CWC22: variants seen among roughly 807,000 people sequenced by gnomAD.
The protein encoded by CWC22 is pre-mRNA-splicing factor CWC22 homolog.
A neutral mutation model predicts 117.2 loss-of-function variants in CWC22; 53 were observed. That is an observed-to-expected ratio of 0.45 (90% confidence interval 0.36 to 0.57). The LOEUF is 0.57. CWC22 is among the 20% of genes least tolerant of loss of function. The pLI, the probability that CWC22 is intolerant of heterozygous loss-of-function variation, is 0.00. For synonymous variants in CWC22, 360 were observed against 355.6 expected (o/e 1.01, Z -0.14); for missense variants, 980 against 1,068.8 (o/e 0.92, Z 1.16).
In CWC22 at chr2:179,989,122, A is replaced by T. The variant is rs530624070; in HGVS notation, c.28-478T>A. Among the ~76,000 whole-genome samples, 23 of 152,084 alleles carry T rather than the reference A, an allele frequency of 1.5e-4. No homozygotes were observed. In the South Asian group the frequency reaches 4.4e-3, roughly 29 times the overall value. On this transcript the variant is annotated intron_variant, in intron 2 of 19. Coordinates refer to ENST00000410053, the MANE Select transcript of CWC22 (RefSeq NM_020943.3). ...CTGAGTCCCTAAAACCCATTGTATC[A>T]TTCTTACGGCTTTGCAGAACCAAAT...
intron 1 of CWC22, among the ~76,000 whole-genome samples, chr2:180,000,577 T>C (rs1317000380): frequency 1.3e-5 from 2 of 152,052 alleles, no homozygotes; most frequent in African/African-American, 4.8e-5. Flanking sequence ...AAATAAAGAG[T>C]TGCAGAGCTG....
intron 11 of CWC22, among the ~76,000 whole-genome samples, chr2:179,969,487 C>A (rs1686976481): frequency 6.6e-6 from 1 of 152,170 alleles, no homozygotes. Context: ...CAATGGAATG[C>A]AGACAGAGAC....
intron 19 of CWC22, among the ~76,000 whole-genome samples, chr2:179,947,471 C>A (rs909697889): frequency 6.6e-6 from 1 of 152,186 alleles, no homozygotes; most frequent in Non-Finnish European, 1.5e-5. Flanking sequence ...GCAGTTCATG[C>A]TGCTTTTATG....
intron 8 of CWC22, among the ~76,000 whole-genome samples, chr2:179,971,688 A>G (rs1687038552): frequency 6.6e-6 from 1 of 152,230 alleles, no homozygotes; most frequent in Non-Finnish European, 1.5e-5. Flanking sequence ...ACATTTATAA[A>G]CAATGCCAGG....
Position 180,007,182 on chromosome 2 carries a change from G to A in CWC22, c.-429C>T, listed in dbSNP as rs1393350801. The A allele has an allele frequency of 1.3e-5, 2 of 152,236 alleles. No individual in the cohort carries two copies. The highest frequency in any genetic ancestry group is 4.8e-5 in the African/African-American group (2 of 41,460). The allele number at this position is 152,236 out of a possible 1,614,324, so 9.4% of individuals were successfully genotyped here. A position where few individuals can be genotyped will look rare whatever the true frequency, so the allele number is the denominator to read the frequency against. On this transcript the variant is annotated 5_prime_UTR_variant, in exon 1 of 20. Transcript: ENST00000410053. ...ATATTTAAAAACTTGACGCTCAATTGGCTTGACACGTTATCCCTTTAATTT... is the reference window on the plus strand; with the variant it reads ...ATATTTAAAAACTTGACGCTCAATTAGCTTGACACGTTATCCCTTTAATTT...
At chr2:179,981,332 G>A (rs916420086) in intron 5 of CWC22, among the ~76,000 whole-genome samples, 3 of 152,318 alleles carry the variant, frequency 2.0e-5, no homozygotes, top group Admixed American at 2.0e-4. Context: ...AATATTTACA[G>A]TGTGGGCTTT....
Position 179,950,661 on chromosome 2 carries a change from T to C in CWC22, c.1991A>G (p.Asn664Ser), listed in dbSNP as rs748651874. 2 of 1,613,546 alleles carry C rather than the reference T, an allele frequency of 1.2e-6. No homozygotes were observed. Among genetic ancestry groups the C allele is most frequent in the Non-Finnish European group, 1.7e-6 (2 of 1,179,650 alleles). Residue 664 changes from asparagine to serine, a missense_variant, in exon 19 of 20, where the codon AAT becomes AGT. Physicochemically the swap from Asn to Ser is conservative, Grantham distance 46. Around this residue, in one of 3 missense-constraint regions of CWC22, gnomAD observed 306 missense variants for 296.8 expected, o/e 1.03. Transcript: ENST00000410053. ...AGAGGAAGAGGATGGGGAGGATTTA[T>C]TTTGCTCAACATCTGGTTTCTGCGC... Reference protein sequence around the residue: ...IVAQKPDVEQNKSSPSSSSSA... With the variant: ...IVAQKPDVEQSKSSPSSSSSA...
chr2:179,953,197 A>G (rs1686497966), intron 16 of CWC22, among the ~76,000 whole-genome samples: 1 of 152,086 alleles, frequency 6.6e-6, no homozygotes, highest in African/African-American at 2.4e-5. Flanking sequence ...AGGGGAAAAA[A>G]GAAGTCAAAA....
In CWC22 at chr2:179,945,055, A is replaced by G; in HGVS notation, c.*74T>C. Reference sequence around the variant, plus strand: ...AATACTTTATACAAGAATTCTCTATAAAGTTCGTCAAAGTAAAAAATAATT... The same window carrying G: ...AATACTTTATACAAGAATTCTCTATGAAGTTCGTCAAAGTAAAAAATAATT... On this transcript the variant is annotated 3_prime_UTR_variant, in exon 20 of 20. Transcript: ENST00000410053. 1 of 977,670 alleles carries G rather than the reference A, an allele frequency of 1.0e-6. No individual in the cohort carries two copies. Among genetic ancestry groups the G allele is most frequent in the Non-Finnish European group, 1.5e-6 (1 of 674,308 alleles). The allele number at this position is 977,670 out of a possible 1,614,324, so 60.6% of individuals were successfully genotyped here.
At chr2:179,968,750 T>TA (rs1439651558) in intron 11 of CWC22, among the ~76,000 whole-genome samples, 2 of 151,880 alleles carry the variant, frequency 1.3e-5, no homozygotes, top group Non-Finnish European at 2.9e-5. Context: ...ATATTTTTAG[T>TA]AGAGACAGGA....
chr2:179,964,571 G>C lies in CWC22; in HGVS notation c.1373C>G (p.Thr458Arg). The C allele has an allele frequency of 6.4e-7, 1 of 1,568,812 alleles. No homozygotes were observed. Among genetic ancestry groups the C allele is most frequent in the South Asian group, 1.2e-5 (1 of 85,166 alleles). Residue 458 changes from threonine (T) to arginine (R), a missense_variant, in exon 13 of 20, where the codon ACA (threonine) becomes AGA (arginine). Physicochemically the swap from Thr to Arg is moderately conservative, Grantham distance 71 (BLOSUM62 -1). Around this residue, in one of 3 missense-constraint regions of CWC22, gnomAD observed 559 missense variants for 602.3 expected, o/e 0.93. Coordinates refer to ENST00000410053, the MANE Select transcript of CWC22 (RefSeq NM_020943.3). The stretch of plus-strand genomic sequence containing the variant: ...CCTTGACTGAATAGCAAGATAAATT[G>C]TACGACGAAATGAGACCAGGTTAAT... ...TEINLVSFRR[T>R]IYLAIQSSLD...
intron 19 of CWC22, among the ~76,000 whole-genome samples, chr2:179,949,516 C>T (rs567855566): frequency 7.1e-4 from 108 of 152,196 alleles, no homozygotes; most frequent in African/African-American, 2.0e-3. Flanking sequence ...ATGAAAAAGA[C>T]GGTCAATTTG....
intron 3 of CWC22, 86 bp downstream of exon 3, chr2:179,988,491 T>A (rs1267965278): frequency 5.5e-6 from 4 of 729,300 alleles, no homozygotes; most frequent in Non-Finnish European, 9.0e-6. Flanking sequence ...TTATCCACCC[T>A]AAAATTAGAA....
intron 6 of CWC22, among the ~76,000 whole-genome samples, chr2:179,974,555 A>C (rs1687111632): frequency 6.6e-6 from 1 of 152,236 alleles, no homozygotes. Flanking sequence ...ATGACAACTG[A>C]ATCACTAGAG....
chr2:179,977,548 T>C (rs1042685816), intron 6 of CWC22, among the ~76,000 whole-genome samples: 5 of 152,268 alleles, frequency 3.3e-5, no homozygotes, highest in Non-Finnish European at 7.4e-5. Flanking sequence ...TATAAAATGA[T>C]GGTTACCAGA....
Position 179,957,256 on chromosome 2 carries a change from T to C in CWC22, c.1458+1766A>G, listed in dbSNP as rs1686618535. Among the ~76,000 whole-genome samples, 3 of 152,276 alleles carry C rather than the reference T, an allele frequency of 2.0e-5. No homozygotes were observed. The South Asian group carries it at 6.2e-4, about 32-fold the overall frequency. On this transcript the variant is annotated intron_variant, in intron 14 of 19. Transcript: ENST00000410053. The stretch of plus-strand genomic sequence containing the variant: ...AGTGTACAAACAAGCACACTATTAC[T>C]AATATACCAATAACAAAACTTTGAA...
chr2:179,946,464 A>AGGGGG (rs1553556645), intron 19 of CWC22, among the ~76,000 whole-genome samples: 1 of 92,560 alleles, frequency 1.1e-5, no homozygotes, highest in Non-Finnish European at 2.0e-5. Context: ...AAAAAAAAAA[A>AGGGGG]GGGGGGGGGG....
chr2:179,964,897 A>T (rs1686850112), intron 12 of CWC22, among the ~76,000 whole-genome samples: 1 of 152,186 alleles, frequency 6.6e-6, no homozygotes, highest in Admixed American at 6.5e-5. Context: ...TAGACACTAT[A>T]AAAGGCTGCA....
chr2:179,978,145 GA>G (rs757124817), intron 6 of CWC22, 44 bp downstream of exon 6: 3 of 1,432,960 alleles, frequency 2.1e-6, no homozygotes, highest in Non-Finnish European at 2.7e-6. Flanking sequence ...ATATTCCTTT[GA>G]AAAAATACTT....
Sources: allele counts gnomAD v4.1 joint callset (sites outside exome capture counted in the v4.1 genomes callset), GRCh38; gene constraint gnomAD v4.1.1; regional missense constraint gnomAD v4.1.1; transcripts MANE v1.5; gene names NCBI Gene and HGNC (gene_info 2026-07-23, HGNC 2026-07-21).